The following ARSK variants were observed in gnomAD, a reference collection of about 807,000 sequenced individuals.
ARSK encodes the protein arylsulfatase K.
In ARSK, 37 loss-of-function variants were observed where a neutral mutation model predicts 53.2. The ratio of observed to expected loss-of-function variants is 0.70; its 90% CI spans 0.54 to 0.92. The LOEUF (loss-of-function observed/expected upper bound fraction) is 0.92, where lower values mean the gene tolerates loss of function less well. Ranked by LOEUF, ARSK falls within the 40% of genes least tolerant of loss-of-function variation. The probability of loss-of-function intolerance (pLI) is 0.00; values close to 1 mark genes in which losing one functional copy is unlikely to be tolerated. For missense variants in ARSK, 613 were observed against 643.0 expected (o/e 0.95, Z 0.51); for synonymous variants, 208 against 223.2 (o/e 0.93, Z 0.61).
intron 3 of ARSK, among the ~76,000 whole-genome samples, chr5:95,580,559 G>A (rs1561365025): frequency 6.6e-6 from 1 of 152,090 alleles, no homozygotes; most frequent in Non-Finnish European, 1.5e-5. Flanking sequence ...TCCATATTTT[G>A]CTCGTTGGAC....
At chr5:95,599,321 T>C (rs1749360064) in intron 6 of ARSK, among the ~76,000 whole-genome samples, 1 of 152,212 alleles carries the variant, frequency 6.6e-6, no homozygotes, top group Non-Finnish European at 1.5e-5. Flanking sequence ...GTTATTAAAA[T>C]GCTGAGTACA....
chr5:95,599,053 A>G (rs187494678), intron 6 of ARSK, among the ~76,000 whole-genome samples: 3 of 152,290 alleles, frequency 2.0e-5, no homozygotes, highest in Non-Finnish European at 4.4e-5. Flanking sequence ...CCACCATCTG[A>G]CACAGCTGTT....
At chr5:95,577,503 G>A (rs550884900) in intron 3 of ARSK, among the ~76,000 whole-genome samples, 100 of 152,272 alleles carry the variant, frequency 6.6e-4, no homozygotes, top group African/African-American at 2.4e-3. Flanking sequence ...GCACCTGCCT[G>A]GATCAATGTC....
At chr5:95,594,982 C>A (rs1245529679) in intron 6 of ARSK, among the ~76,000 whole-genome samples, 1 of 152,084 alleles carries the variant, frequency 6.6e-6, no homozygotes, top group Non-Finnish European at 1.5e-5. Flanking sequence ...CCTAGAAATC[C>A]TAATTTTAGG....
chr5:95,600,973 A>T lies in ARSK; in HGVS notation c.1223A>T (p.His408Leu). 3.1e-6 allele frequency: 5 copies of T among 1,614,154 alleles called. No individual in the cohort carries two copies. The highest frequency in any genetic ancestry group is 4.2e-6 in the Non-Finnish European group (5 of 1,179,970). ...LHPPWILSEF[H>L]GCNVNASTYM... The stretch of plus-strand genomic sequence containing the variant: ...CCACCCTGGATTCTGAGTGAATTCC[A>T]TGGATGTAATGTGAATGCCTCCACC... The change falls in exon 7 of 8, where the codon CAT becomes CTT. Residue 408 changes from histidine (H) to leucine (L), a missense_variant. By Grantham distance (99) the His-to-Leu change is moderately conservative. Coordinates refer to ENST00000380009, the MANE Select transcript of ARSK (RefSeq NM_198150.3).
At chr5:95,563,544 A>G (rs182859117) in intron 1 of ARSK, among the ~76,000 whole-genome samples, 1 of 152,304 alleles carries the variant, frequency 6.6e-6, no homozygotes, top group East Asian at 1.9e-4. Context: ...CTGCCACTAT[A>G]TTTCAAAGAG....
intron 3 of ARSK, among the ~76,000 whole-genome samples, chr5:95,577,640 A>G (rs1748947913): frequency 6.6e-6 from 1 of 152,198 alleles, no homozygotes; most frequent in Non-Finnish European, 1.5e-5. Flanking sequence ...CAAAGTTGTA[A>G]ATATTAGTGC....
chr5:95,583,160 T>A lies in ARSK; in HGVS notation c.661T>A (p.Ser221Thr), dbSNP rs776160821. The A allele has an allele frequency of 7.5e-6, 12 of 1,594,470 alleles. No homozygotes were observed. Among genetic ancestry groups the A allele is most frequent in the Non-Finnish European group, 1.0e-5 (12 of 1,167,294 alleles). Residue 221 changes from serine (S) to threonine (T), a missense_variant, in exon 4 of 8, where the codon TCT (serine) becomes ACT (threonine). Coordinates refer to ENST00000380009, the MANE Select transcript of ARSK (RefSeq NM_198150.3). ...PSPSSGENFG[S>T]STFHTSLYWL... is the part of the protein sequence containing the mutation. Reference sequence around the variant, plus strand: ...ACCATCTTCTGGAGAAAATTTTGGATCTTCAACATTTCACACATCTCTTTA... The same window carrying A: ...ACCATCTTCTGGAGAAAATTTTGGAACTTCAACATTTCACACATCTCTTTA...
In ARSK at chr5:95,582,981, T is replaced by G. The variant is rs1200063246; in HGVS notation, c.482T>G (p.Val161Gly). The G allele has an allele frequency of 3.1e-6, 5 of 1,613,778 alleles. No individual in the cohort carries two copies. The highest frequency in any genetic ancestry group is 3.4e-6 in the Non-Finnish European group (4 of 1,179,728). ...FLLRQEGRPM[V>G]NLIRNRTKVR... ...CTCAGACAAGAAGGCAGGCCCATGG[T>G]TAATCTTATCCGTAACAGGACTAAA... Residue 161 changes from valine (V) to glycine (G), a missense_variant, in exon 4 of 8, where the codon GTT becomes GGT. Physicochemically the swap from Val to Gly is moderately radical, Grantham distance 109. Transcript: ENST00000380009.
chr5:95,559,320 A>C (rs1312320567), intron 1 of ARSK, among the ~76,000 whole-genome samples: 7 of 152,134 alleles, frequency 4.6e-5, no homozygotes, highest in Admixed American at 4.6e-4. Context: ...TCTCAGATAA[A>C]AATATATGGT....
chr5:95,574,772 GT>G (rs1229070093), intron 3 of ARSK, among the ~76,000 whole-genome samples: 3 of 151,854 alleles, frequency 2.0e-5, no homozygotes, highest in Non-Finnish European at 4.4e-5. Flanking sequence ...GTTTTCAAAT[GT>G]TTTCTCCCAT....
intron 3 of ARSK, among the ~76,000 whole-genome samples, chr5:95,578,322 T>G (rs1332080074): frequency 8.1e-6 from 1 of 122,900 alleles, no homozygotes; most frequent in African/African-American, 3.1e-5. Flanking sequence ...CAGTGAAGAA[T>G]TTTTTTTTTT....
chr5:95,583,029 G>C lies in ARSK; in HGVS notation c.530G>C (p.Trp177Ser). Reference sequence around the variant, plus strand: ...AAAGTCAGAGTGATGGAAAGGGATTGGCAGAATACAGACAAAGCAGTAAAC... The same window carrying C: ...AAAGTCAGAGTGATGGAAAGGGATTCGCAGAATACAGACAAAGCAGTAAAC... Reference protein sequence around the residue: ...RTKVRVMERDWQNTDKAVNWL... With the variant: ...RTKVRVMERDSQNTDKAVNWL... Residue 177 changes from tryptophan (W) to serine (S), a missense_variant, in exon 4 of 8, where the codon TGG (tryptophan) becomes TCG (serine). Coordinates refer to ENST00000380009, the MANE Select transcript of ARSK (RefSeq NM_198150.3). The C allele has an allele frequency of 6.2e-7, 1 of 1,613,784 alleles. No homozygotes were observed. Among genetic ancestry groups the C allele is most frequent in the Admixed American group, 1.7e-5 (1 of 59,994 alleles).
intron 1 of ARSK, among the ~76,000 whole-genome samples, chr5:95,557,348 A>G (rs1580211784): frequency 6.6e-6 from 1 of 152,202 alleles, no homozygotes; most frequent in African/African-American, 2.4e-5. Context: ...GATCATACTG[A>G]TACTTTCCAT....
At chr5:95,581,687 G>A (rs1002989090) in intron 3 of ARSK, among the ~76,000 whole-genome samples, 3 of 152,102 alleles carry the variant, frequency 2.0e-5, no homozygotes, top group African/African-American at 7.2e-5. Context: ...TTATAAACCC[G>A]TAAAATTCCA....
At chr5:95,592,145 C>G (rs1394798737) in intron 6 of ARSK, among the ~76,000 whole-genome samples, 2 of 152,146 alleles carry the variant, frequency 1.3e-5, no homozygotes, top group Non-Finnish European at 2.9e-5. Flanking sequence ...GTTGAAGATA[C>G]TAGAATAACG....
chr5:95,584,091 C>T lies in ARSK; in HGVS notation c.699+893C>T, dbSNP rs191726510. 7.7e-4 allele frequency among the ~76,000 whole-genome samples: 118 copies of T among 152,320 alleles called. 1 individual carries two copies. Among genetic ancestry groups the T allele is most frequent in the African/African-American group, 2.6e-3 (108 of 41,584 alleles). On this transcript the variant is annotated intron_variant, in intron 4 of 7. Coordinates refer to ENST00000380009, the MANE Select transcript of ARSK (RefSeq NM_198150.3). ...CTTCATTTACATTTGATTTGAATTT[C>T]ACTTCCAGCCTTGTCACTTTTCCTT...
At chr5:95,590,180 A>C (rs1749188126) in intron 5 of ARSK, among the ~76,000 whole-genome samples, 1 of 152,180 alleles carries the variant, frequency 6.6e-6, no homozygotes, top group Non-Finnish European at 1.5e-5. Context: ...TGCATGTTTG[A>C]GCTGGGTCAT....
chr5:95,590,296 G>C (rs535592348), intron 5 of ARSK, among the ~76,000 whole-genome samples: 43 of 152,184 alleles, frequency 2.8e-4, no homozygotes, highest in Non-Finnish European at 5.3e-4. Flanking sequence ...TATGGTGTGT[G>C]TTTAGGAGGT....
Sources: allele counts gnomAD v4.1 joint callset (sites outside exome capture counted in the v4.1 genomes callset), GRCh38; gene constraint gnomAD v4.1.1; transcripts MANE v1.5; gene names NCBI Gene and HGNC (gene_info 2026-07-23, HGNC 2026-07-21).